NTM: variants seen among roughly 807,000 people sequenced by gnomAD.
NTM encodes IgLON family member 2.
A neutral mutation model predicts 42.1 loss-of-function variants in NTM; 13 were observed. That is an observed-to-expected ratio of 0.31 (90% confidence interval 0.20 to 0.49). The LOEUF is 0.49. Among genes scored for constraint, NTM ranks in the 20% least tolerant of loss-of-function variants. The probability of loss-of-function intolerance (pLI) is 0.99; values close to 1 mark genes in which losing one functional copy is unlikely to be tolerated. For missense variants in NTM, 373 were observed against 452.8 expected (o/e 0.82, Z 1.60); for synonymous variants, 187 against 179.2 (o/e 1.04, Z -0.35).
At chr11:132,286,736 A>G (rs1350726725) in intron 4 of NTM, among the ~76,000 whole-genome samples, 1 of 152,204 alleles carries the variant, frequency 6.6e-6, no homozygotes, top group Non-Finnish European at 1.5e-5. Flanking sequence ...AATGCTGAAC[A>G]TCACTGTGGC....
intron 1 of NTM, among the ~76,000 whole-genome samples, chr11:131,493,685 C>A (rs182039995): frequency 2.0e-5 from 3 of 152,202 alleles, no homozygotes; most frequent in Admixed American, 2.0e-4. Flanking sequence ...GCAGTGAAGC[C>A]CAGAGACATT....
chr11:131,948,694 G>C (rs1251688212), intron 2 of NTM, among the ~76,000 whole-genome samples: 1 of 152,188 alleles, frequency 6.6e-6, no homozygotes, highest in Non-Finnish European at 1.5e-5. Context: ...CTTCTTTCAA[G>C]ATGGCAACAT....
chr11:131,667,506 C>T (rs1174695406), intron 1 of NTM, among the ~76,000 whole-genome samples: 1 of 152,120 alleles, frequency 6.6e-6, no homozygotes, highest in Non-Finnish European at 1.5e-5. Context: ...TCCAGCTCCC[C>T]AGTAGGGGAG....
At chr11:131,528,126 C>A (rs2050760588) in intron 1 of NTM, among the ~76,000 whole-genome samples, 2 of 152,118 alleles carry the variant, frequency 1.3e-5, no homozygotes, top group African/African-American at 2.4e-5. Context: ...TAAGGTGTAA[C>A]TTTCACCTCT....
chr11:131,975,587 AG>A (rs1473621040), intron 2 of NTM, among the ~76,000 whole-genome samples: 1 of 152,166 alleles, frequency 6.6e-6, no homozygotes, highest in Non-Finnish European at 1.5e-5. Flanking sequence ...AGCTTAAATA[AG>A]GGCCTACGTG....
At chr11:132,077,166 G>A (rs1264837680) in intron 2 of NTM, among the ~76,000 whole-genome samples, 3 of 152,222 alleles carry the variant, frequency 2.0e-5, no homozygotes, top group Non-Finnish European at 4.4e-5. Flanking sequence ...GGCACAGGGT[G>A]AGCTGGTCCA....
intron 2 of NTM, among the ~76,000 whole-genome samples, chr11:132,020,332 G>C (rs1282283134): frequency 1.3e-5 from 2 of 151,702 alleles, no homozygotes; most frequent in Non-Finnish European, 2.9e-5. Flanking sequence ...CATATTTACT[G>C]GTACTTATTT....
intron 7 of NTM, among the ~76,000 whole-genome samples, chr11:132,328,383 G>A (rs2136398484): frequency 6.6e-6 from 1 of 152,252 alleles, no homozygotes; most frequent in South Asian, 2.1e-4. Context: ...TACCTATGTG[G>A]ACACTAAAAA....
chr11:131,923,432 G>A (rs1259500126), intron 2 of NTM, among the ~76,000 whole-genome samples: 3 of 152,160 alleles, frequency 2.0e-5, no homozygotes, highest in East Asian at 1.9e-4. Flanking sequence ...CTCTGTATTG[G>A]CATGGGATTG....
chr11:132,142,296 G>T (rs1459787447), intron 2 of NTM, among the ~76,000 whole-genome samples: 2 of 152,192 alleles, frequency 1.3e-5, no homozygotes, highest in Non-Finnish European at 2.9e-5. Context: ...AGTGGAGTTT[G>T]AAGCCTTACT....
chr11:131,411,904 C>T (rs1267798742), intron 1 of NTM, among the ~76,000 whole-genome samples: 2 of 152,100 alleles, frequency 1.3e-5, no homozygotes, highest in African/African-American at 4.8e-5. Flanking sequence ...CAGCATTTGT[C>T]TTACTTGTGT....
At chr11:132,076,626 G>T (rs1194869641) in intron 2 of NTM, among the ~76,000 whole-genome samples, 1 of 152,186 alleles carries the variant, frequency 6.6e-6, no homozygotes, top group Non-Finnish European at 1.5e-5. Flanking sequence ...AACGACTTAA[G>T]ACTTAAGAGG....
chr11:132,281,963 G>A (rs866781579), intron 4 of NTM, among the ~76,000 whole-genome samples: 21 of 152,096 alleles, frequency 1.4e-4, no homozygotes, highest in Admixed American at 4.6e-4. Context: ...TGAGCTTTAA[G>A]CCCACATCTT....
intron 1 of NTM, among the ~76,000 whole-genome samples, chr11:131,457,463 C>T (rs1172117627): frequency 1.3e-5 from 2 of 151,952 alleles, no homozygotes; most frequent in Non-Finnish European, 2.9e-5. Context: ...TGGCCAGCCA[C>T]GAAGAAGCAT....
At chr11:131,638,642 A>G (rs970024178) in intron 1 of NTM, among the ~76,000 whole-genome samples, 3 of 151,972 alleles carry the variant, frequency 2.0e-5, no homozygotes, top group African/African-American at 7.2e-5. Context: ...TGCTCTGATA[A>G]AATGAAATGG....
chr11:131,914,005 T>G (rs2055797424), intron 2 of NTM, among the ~76,000 whole-genome samples: 1 of 152,180 alleles, frequency 6.6e-6, no homozygotes, highest in Admixed American at 6.5e-5. Context: ...GCCCTCCTTC[T>G]CAGACTCTGA....
intron 1 of NTM, among the ~76,000 whole-genome samples, chr11:131,687,570 G>GC (rs2134959321): frequency 3.9e-5 from 6 of 152,282 alleles, no homozygotes; most frequent in African/African-American, 1.4e-4. Context: ...CCTCACCTTC[G>GC]CCCCCGGGGG....
chr11:131,903,464 G>A (rs146855790), intron 1 of NTM, among the ~76,000 whole-genome samples: 115 of 152,290 alleles, frequency 7.6e-4, no homozygotes, highest in Non-Finnish European at 1.3e-3. Flanking sequence ...TTTCCTTAAA[G>A]AAACCCTTTA....
intron 1 of NTM, among the ~76,000 whole-genome samples, chr11:131,434,930 A>G (rs146809731): frequency 0.019 from 2,895 of 152,312 alleles, 96 homozygotes; most frequent in African/African-American, 0.065. Flanking sequence ...TAGGTCTAAC[A>G]TTTAAGTCTT....
Sources: gnomAD v4.1 joint callset for allele counts (sites outside exome capture counted in the v4.1 genomes callset) on GRCh38, gnomAD v4.1.1 for gene constraint, MANE v1.5 for transcripts, NCBI Gene and HGNC (gene_info 2026-07-23, HGNC 2026-07-21) for gene names.